Variants in AGMO observed in about 807,000 individuals in gnomAD.
The protein encoded by AGMO is glyceryl-ether monooxygenase.
In AGMO, 75 loss-of-function variants were observed where a neutral mutation model predicts 60.2. The observed-to-expected ratio is 1.25, with a 90% CI of 1.03 to 1.51. The LOEUF is 1.51. AGMO is among the 40% of genes most tolerant of loss of function. The pLI, the probability that AGMO is intolerant of heterozygous loss-of-function variation, is 0.00. For missense variants in AGMO, 763 were observed against 525.5 expected (o/e 1.45, Z -4.42); for synonymous variants, 261 against 177.1 (o/e 1.47, Z -3.76).
intron 3 of AGMO, among the ~76,000 whole-genome samples, chr7:15,517,999 C>G (rs1030531948): frequency 4.6e-4 from 70 of 152,240 alleles, no homozygotes; most frequent in Middle Eastern, 3.4e-3. Context: ...GGGGCATCAC[C>G]ATTACTGAGA....
intron 5 of AGMO, among the ~76,000 whole-genome samples, chr7:15,398,552 T>C (rs1464366705): frequency 6.6e-6 from 1 of 152,146 alleles, no homozygotes; most frequent in Non-Finnish European, 1.5e-5. Context: ...AATTCATTAA[T>C]ATTTATTAAG....
At chr7:15,178,071 G>T in the AGMO span, among the ~76,000 whole-genome samples, 1 of 151,992 alleles carries the variant, frequency 6.6e-6, no homozygotes, top group Non-Finnish European at 1.5e-5. Flanking sequence ...CTCCTTCCTG[G>T]TTCAATCCTT....
chr7:15,496,810 G>C (rs543073603), intron 3 of AGMO, among the ~76,000 whole-genome samples: 2 of 152,216 alleles, frequency 1.3e-5, no homozygotes, highest in South Asian at 4.1e-4. Context: ...AAGCGCACTT[G>C]CATTACCTCA....
chr7:15,529,141 T>C (rs975671781), intron 3 of AGMO, among the ~76,000 whole-genome samples: 8 of 152,082 alleles, frequency 5.3e-5, no homozygotes, highest in African/African-American at 1.9e-4. Flanking sequence ...CTGACAACAT[T>C]AGATAATATA....
chr7:15,435,196 G>C (rs1490441147), intron 3 of AGMO, among the ~76,000 whole-genome samples: 1 of 151,986 alleles, frequency 6.6e-6, no homozygotes, highest in Non-Finnish European at 1.5e-5. Flanking sequence ...GGTTTTCTGT[G>C]GACATGAGTT....
At chr7:15,372,627 A>T (rs1583471368) in intron 10 of AGMO, among the ~76,000 whole-genome samples, 1 of 152,260 alleles carries the variant, frequency 6.6e-6, no homozygotes, top group East Asian at 1.9e-4. Flanking sequence ...ACTACACTAG[A>T]GCAAAAGAAA....
At chr7:15,185,809 T>C in the AGMO span, among the ~76,000 whole-genome samples, 1 of 152,238 alleles carries the variant, frequency 6.6e-6, no homozygotes, top group Non-Finnish European at 1.5e-5. Flanking sequence ...GGATTTTCAG[T>C]ACCACTGTAT....
chr7:15,122,509 T>C, the AGMO span, among the ~76,000 whole-genome samples: 4 of 152,112 alleles, frequency 2.6e-5, no homozygotes, highest in African/African-American at 7.2e-5. Flanking sequence ...CTACCTGTTA[T>C]TCTAATAGGG....
rs1165458603 is a variant in AGMO at position 15,275,608 on chromosome 7, G to A, written c.1264-74249C>T. On this transcript the variant is annotated intron_variant, in intron 12 of 12. Transcript: ENST00000342526. ...AAGGTTATAATTTCTTTGATTTTCT[G>A]TCTTAATAATCTGCCTTCTGTCACC... Among the ~76,000 whole-genome samples the A allele has an allele frequency of 4.6e-5, 7 of 152,038 alleles. No individual in the cohort carries two copies. The South Asian group carries it at 1.4e-3, about 31-fold the overall frequency.
intron 4 of AGMO, among the ~76,000 whole-genome samples, chr7:15,426,511 G>C (rs749848805): frequency 1.3e-5 from 2 of 152,090 alleles, no homozygotes; most frequent in African/African-American, 2.4e-5. Flanking sequence ...CACTTTGGGG[G>C]GCTGAGGCAG....
intron 10 of AGMO, among the ~76,000 whole-genome samples, chr7:15,382,772 C>G (rs1333048955): frequency 6.6e-6 from 1 of 152,014 alleles, no homozygotes; most frequent in African/African-American, 2.4e-5. Context: ...TTTTTTAGAG[C>G]AGAAGACACC....
At chr7:15,285,251 T>G (rs191616727) in intron 12 of AGMO, among the ~76,000 whole-genome samples, 38 of 151,536 alleles carry the variant, frequency 2.5e-4, no homozygotes, top group Non-Finnish European at 3.8e-4. Flanking sequence ...GAGAAAGAAA[T>G]AAAGTGCATC....
At chr7:15,367,285 C>G (rs574928917) in intron 10 of AGMO, among the ~76,000 whole-genome samples, 72 of 151,646 alleles carry the variant, frequency 4.7e-4, no homozygotes, top group African/African-American at 1.7e-3. Context: ...ATCATTGTAA[C>G]AAAACATTTT....
chr7:15,212,040 G>C (rs1477573331), intron 12 of AGMO, among the ~76,000 whole-genome samples: 1 of 151,848 alleles, frequency 6.6e-6, no homozygotes, highest in East Asian at 1.9e-4. Context: ...AAATGCCTTG[G>C]AGAATTATTG....
At chr7:15,362,667 A>G (rs1287713107) in intron 12 of AGMO, among the ~76,000 whole-genome samples, 2 of 152,226 alleles carry the variant, frequency 1.3e-5, no homozygotes, top group South Asian at 4.1e-4. Context: ...GTTTCTGGAA[A>G]GAGTAGCTAA....
the AGMO span, among the ~76,000 whole-genome samples, chr7:15,161,977 T>C: frequency 6.6e-6 from 1 of 152,106 alleles, no homozygotes; most frequent in Non-Finnish European, 1.5e-5. Context: ...TCATCTCAAA[T>C]TGTAATCCCC....
chr7:15,499,313 T>A (rs1783316907), intron 3 of AGMO, among the ~76,000 whole-genome samples: 1 of 151,944 alleles, frequency 6.6e-6, no homozygotes, highest in Admixed American at 6.6e-5. Flanking sequence ...ACCTTTTGTG[T>A]GCCTGAGTAG....
chr7:15,206,191 C>T (rs962100072), intron 12 of AGMO, among the ~76,000 whole-genome samples: 4 of 151,890 alleles, frequency 2.6e-5, no homozygotes, highest in Admixed American at 2.0e-4. Flanking sequence ...TAAATTAGAG[C>T]CAAATGTACC....
chr7:15,182,367 T>A, the AGMO span, among the ~76,000 whole-genome samples: 1 of 152,180 alleles, frequency 6.6e-6, no homozygotes, highest in South Asian at 2.1e-4. Flanking sequence ...TGTTATATAT[T>A]GTACCACGAT....
Sources: gnomAD v4.1 joint callset for allele counts (sites outside exome capture counted in the v4.1 genomes callset) on GRCh38, gnomAD v4.1.1 for gene constraint, MANE v1.5 for transcripts, NCBI Gene and HGNC (gene_info 2026-07-23, HGNC 2026-07-21) for gene names.